The following ZNF385C variants were observed in gnomAD, a reference collection of about 807,000 sequenced individuals.
The protein encoded by ZNF385C is zinc finger protein 385C.
In ZNF385C, 28 loss-of-function variants were observed where a neutral mutation model predicts 35.4. The observed-to-expected ratio is 0.79, with a 90% CI of 0.59 to 1.08. The LOEUF (loss-of-function observed/expected upper bound fraction) is 1.08, where lower values mean the gene tolerates loss of function less well. Ranked by LOEUF, ZNF385C falls within the 50% of genes least tolerant of loss-of-function variation. ZNF385C has a pLI of 0.00. For synonymous variants in ZNF385C, 248 were observed against 248.2 expected, an observed-to-expected ratio of 1.00 and a Z score of 0.01; for missense variants, 605 against 595.6, an observed-to-expected ratio of 1.02 and a Z score of -0.16.
intron 4 of ZNF385C, among the ~76,000 whole-genome samples, chr17:42,032,146 C>T (rs1194473480): frequency 1.3e-5 from 2 of 152,122 alleles, no homozygotes; most frequent in South Asian, 2.1e-4. Context: ...CTGCAACCTC[C>T]GCCTCCCGGG....
At chr17:42,043,043 C>T in intron 2 of ZNF385C, 1 of 1,232,340 alleles carries the variant, frequency 8.1e-7, no homozygotes, top group South Asian at 4.1e-5. Flanking sequence ...GGGGTCGTAG[C>T]CAGGCCTGGG....
chr17:42,066,534 A>C (rs1310518543), intron 1 of ZNF385C, among the ~76,000 whole-genome samples: 1 of 152,174 alleles, frequency 6.6e-6, no homozygotes, highest in Non-Finnish European at 1.5e-5. Context: ...TAGCTGTGCC[A>C]TAGTGTGGGT....
intron 2 of ZNF385C, among the ~76,000 whole-genome samples, chr17:42,044,327 AAAAAGAC>A (rs2053101747): frequency 6.7e-6 from 1 of 148,192 alleles, no homozygotes; most frequent in Non-Finnish European, 1.5e-5. Context: ...AAAAAAAAAA[AAAAAGAC>A]GGCCGGGTGG....
intron 1 of ZNF385C, among the ~76,000 whole-genome samples, chr17:42,069,555 C>T (rs552557369): frequency 2.6e-5 from 4 of 152,352 alleles, no homozygotes; most frequent in African/African-American, 9.6e-5. Context: ...CGAGACCTGT[C>T]CCCAGCCTTT....
At chr17:42,088,041 A>AT (rs199498121) in intron 1 of ZNF385C, among the ~76,000 whole-genome samples, 21 of 151,100 alleles carry the variant, frequency 1.4e-4, no homozygotes, top group East Asian at 3.9e-4. Flanking sequence ...TAAATGGTTA[A>AT]TTTTTTTTTT....
At chr17:42,088,847 C>A (rs374863407) in intron 1 of ZNF385C, among the ~76,000 whole-genome samples, 1 of 152,090 alleles carries the variant, frequency 6.6e-6, no homozygotes, top group Admixed American at 6.5e-5. Context: ...TTACCCCATA[C>A]TCTATCTGTA....
chr17:42,076,746 G>A lies in ZNF385C; in HGVS notation c.-2-13688C>T, dbSNP rs530239267. On this transcript the variant is annotated intron_variant, in intron 1 of 8. Transcript: ENST00000692273. The stretch of plus-strand genomic sequence containing the variant: ...CCCCATTGGATGACTCCAAAGCATA[G>A]GGTGTCTCTTTCCTTTATACCATGG... 2.0e-5 allele frequency among the ~76,000 whole-genome samples: 3 copies of A among 152,336 alleles called. No homozygotes were observed. In the South Asian group the frequency reaches 6.2e-4, roughly 32 times the overall value.
chr17:42,072,030 G>T (rs1189940727), intron 1 of ZNF385C, among the ~76,000 whole-genome samples: 1 of 152,160 alleles, frequency 6.6e-6, no homozygotes, highest in East Asian at 1.9e-4. Context: ...GGTAGGAAGG[G>T]GCGGGACAGG....
At chr17:42,086,333 A>T (rs1555660141) in intron 1 of ZNF385C, among the ~76,000 whole-genome samples, 1 of 152,130 alleles carries the variant, frequency 6.6e-6, no homozygotes, top group Non-Finnish European at 1.5e-5. Context: ...CAGAGGTTGC[A>T]GTGAGCTGAG....
rs576455996 is a variant in ZNF385C at position 42,054,216 on chromosome 17, G to T, written c.250+8591C>A. ...TGGGGCCTCTTACACTGAAGTGAAG[G>T]GTTGGAAGGACTGACTTTGTCCACA... On this transcript the variant is annotated intron_variant, in intron 2 of 8. Coordinates refer to ENST00000692273, the MANE Select transcript of ZNF385C (RefSeq NM_001392013.1). Among the ~76,000 whole-genome samples the T allele has an allele frequency of 1.6e-4, 24 of 152,322 alleles. No homozygotes were observed. In the East Asian group the frequency reaches 4.3e-3, roughly 27 times the overall value.
chr17:42,097,921 T>C (rs1321523763), intron 1 of ZNF385C, among the ~76,000 whole-genome samples: 1 of 152,204 alleles, frequency 6.6e-6, no homozygotes, highest in Non-Finnish European at 1.5e-5. Context: ...GCAGGTGCCC[T>C]GGGGCTCATT....
At position 42,029,004 on chromosome 17, in the gene ZNF385C, G is replaced by C. The variant is rs2052666469; in HGVS notation, c.746C>G (p.Pro249Arg). 7.7e-6 allele frequency: 12 copies of C among 1,550,476 alleles called. No homozygotes were observed. The highest frequency in any genetic ancestry group is 1.0e-5 in the Non-Finnish European group (12 of 1,147,000). Residue 249 changes from proline to arginine, a missense_variant, in exon 6 of 9, where the codon CCA becomes CGA. Coordinates refer to ENST00000692273, the MANE Select transcript of ZNF385C (RefSeq NM_001392013.1). The part of the protein sequence containing the change: ...PPTPDPTCRE[P>R]AHSELLDAAS... Reference sequence around the variant, plus strand: ...AGCATCCAAGAGCTCTGAGTGGGCTGGCTCCCTGCATGTAGGGTCTGGAGT... The same window carrying C: ...AGCATCCAAGAGCTCTGAGTGGGCTCGCTCCCTGCATGTAGGGTCTGGAGT...
chr17:42,062,419 C>T (rs935963953), intron 2 of ZNF385C: 17 of 172,594 alleles, frequency 9.8e-5, no homozygotes, highest in Admixed American at 1.9e-4. Context: ...TCAGAGACCA[C>T]AGACCTGAGC....
intron 1 of ZNF385C, chr17:42,065,350 G>A (rs928034178): frequency 6.6e-6 from 1 of 152,182 alleles, no homozygotes. Flanking sequence ...ACTTTGTTAT[G>A]GCAACCTGAG....
At chr17:42,057,568 C>G (rs1555657648) in intron 2 of ZNF385C, among the ~76,000 whole-genome samples, 1 of 148,380 alleles carries the variant, frequency 6.7e-6, no homozygotes, top group African/African-American at 2.5e-5. Context: ...GGAGTTCAGC[C>G]TTCTTCTGGG....
chr17:42,052,907 A>G (rs1248181995), intron 2 of ZNF385C, among the ~76,000 whole-genome samples: 2 of 152,204 alleles, frequency 1.3e-5, no homozygotes, highest in Non-Finnish European at 2.9e-5. Context: ...TCCCAGAAGC[A>G]CATGCCTGCA....
At chr17:42,084,518 A>G (rs978069324) in intron 1 of ZNF385C, among the ~76,000 whole-genome samples, 1 of 152,156 alleles carries the variant, frequency 6.6e-6, no homozygotes, top group Non-Finnish European at 1.5e-5. Context: ...ATAATAATAG[A>G]TCTTCTTTCA....
At chr17:42,084,130 G>C (rs923041076) in intron 1 of ZNF385C, among the ~76,000 whole-genome samples, 5 of 151,746 alleles carry the variant, frequency 3.3e-5, no homozygotes, top group African/African-American at 1.2e-4. Flanking sequence ...GTTTGCTTGG[G>C]GCCAGGAGTC....
At chr17:42,041,251 G>A (rs2053013234) in intron 2 of ZNF385C, 16 of 1,220,174 alleles carry the variant, frequency 1.3e-5, no homozygotes, top group African/African-American at 1.6e-5. Context: ...GAGAGGCGGA[G>A]GCAGGCAGTG....
Sources: allele counts gnomAD v4.1 joint callset (sites outside exome capture counted in the v4.1 genomes callset), GRCh38; gene constraint gnomAD v4.1.1; transcripts MANE v1.5; gene names NCBI Gene and HGNC (gene_info 2026-07-23, HGNC 2026-07-21).